The following ADGRB3 variants were observed in gnomAD, a reference collection of about 807,000 sequenced individuals.
ADGRB3 encodes brain-specific angiogenesis inhibitor 3.
ADGRB3 carries 37 observed loss-of-function variants against 193.4 expected under a neutral mutation model. That is an observed-to-expected ratio of 0.19 (90% CI 0.15 to 0.25). The LOEUF is 0.25. Ranked by LOEUF, ADGRB3 falls within the 10% of genes least tolerant of loss-of-function variation. The probability of loss-of-function intolerance (pLI) is 1.00; values close to 1 mark genes in which losing one functional copy is unlikely to be tolerated. For synonymous variants in ADGRB3, 690 were observed against 644.2 expected, an observed-to-expected ratio of 1.07 and a Z score of -1.08; for missense variants, 1,637 against 1,852.9, an observed-to-expected ratio of 0.88 and a Z score of 2.14.
rs141761898 is a variant in ADGRB3, at chr6:68,726,617, T to C, written c.757+87185T>C. Among the ~76,000 whole-genome samples, 215 of 151,684 alleles carry C rather than the reference T, an allele frequency of 1.4e-3. 3 individuals are homozygous for C. In the East Asian group the frequency reaches 0.032, roughly 23 times the overall value. On this transcript the variant is annotated intron_variant, in intron 3 of 31. Coordinates refer to ENST00000370598, the MANE Select transcript of ADGRB3 (RefSeq NM_001704.3). ...AAAATCCTTTATTTGGAGGGCTTGG[T>C]TATTTCCCTATATGGAAAATAAAGG...
intron 3 of ADGRB3, among the ~76,000 whole-genome samples, chr6:68,650,455 T>A (rs890886594): frequency 3.9e-5 from 6 of 152,106 alleles, no homozygotes; most frequent in African/African-American, 1.4e-4. Flanking sequence ...TGCACTGCCC[T>A]AGATGTTCAA....
intron 13 of ADGRB3, among the ~76,000 whole-genome samples, chr6:69,039,956 G>A (rs1033830814): frequency 9.9e-5 from 15 of 151,882 alleles, no homozygotes; most frequent in Non-Finnish European, 2.1e-4. Flanking sequence ...CAGCCAGGAT[G>A]GTCTCGATCT....
intron 17 of ADGRB3, chr6:69,232,316 G>T: frequency 1.0e-6 from 1 of 954,016 alleles, no homozygotes; most frequent in Non-Finnish European, 1.4e-6. Context: ...GTTCTGCTGG[G>T]GGTGGAAGGG....
At chr6:68,927,704 C>A (rs981558086) in intron 3 of ADGRB3, among the ~76,000 whole-genome samples, 3 of 151,890 alleles carry the variant, frequency 2.0e-5, no homozygotes, top group Non-Finnish European at 4.4e-5. Context: ...AAGTCTAGAA[C>A]AATGGATGTG....
intron 17 of ADGRB3, among the ~76,000 whole-genome samples, chr6:69,149,930 GT>G: frequency 1.2e-5 from 1 of 86,660 alleles, no homozygotes; most frequent in Non-Finnish European, 2.6e-5. Context: ...CTTTCTGTGT[GT>G]GTGTGTGTGT....
intron 3 of ADGRB3, among the ~76,000 whole-genome samples, chr6:68,910,984 A>C (rs983841623): frequency 3.3e-5 from 5 of 152,090 alleles, no homozygotes; most frequent in African/African-American, 9.7e-5. Context: ...TGAAACTATA[A>C]ATTACCTTGG....
intron 3 of ADGRB3, among the ~76,000 whole-genome samples, chr6:68,881,512 T>A (rs1026603564): frequency 4.6e-5 from 7 of 152,158 alleles, no homozygotes; most frequent in African/African-American, 1.7e-4. Flanking sequence ...CACGGATGAC[T>A]AAGACACATT....
chr6:68,686,989 C>A (rs1048702772), intron 3 of ADGRB3, among the ~76,000 whole-genome samples: 1 of 151,938 alleles, frequency 6.6e-6, no homozygotes, highest in Non-Finnish European at 1.5e-5. Flanking sequence ...TTTTGAAAAA[C>A]GTGCATTCAG....
intron 3 of ADGRB3, among the ~76,000 whole-genome samples, chr6:68,833,032 A>AGAT (rs1161982070): frequency 3.3e-5 from 5 of 152,108 alleles, no homozygotes; most frequent in African/African-American, 1.2e-4. Context: ...CAGCCCATTT[A>AGAT]AGACAAGGTT....
intron 20 of ADGRB3, among the ~76,000 whole-genome samples, chr6:69,318,873 A>ATATG (rs1768376491): frequency 6.7e-6 from 1 of 149,986 alleles, no homozygotes; most frequent in African/African-American, 2.4e-5. Context: ...ATATATATAT[A>ATATG]TATGTATGTA....
intron 12 of ADGRB3, among the ~76,000 whole-genome samples, chr6:69,016,416 C>A (rs1770093853): frequency 6.6e-6 from 1 of 151,930 alleles, no homozygotes. Context: ...CAAACAGTGT[C>A]CTCAAGGTAA....
chr6:68,883,157 T>C, intron 3 of ADGRB3, among the ~76,000 whole-genome samples: 1 of 152,144 alleles, frequency 6.6e-6, no homozygotes, highest in East Asian at 1.9e-4. Flanking sequence ...CCTGTCTATC[T>C]CAAGGTTTGT....
intron 23 of ADGRB3, chr6:69,331,997 T>C: frequency 1.0e-6 from 1 of 985,368 alleles, no homozygotes; most frequent in Non-Finnish European, 1.2e-6. Flanking sequence ...CTGGACACAT[T>C]TTAGCTTTAT....
chr6:68,872,332 A>G (rs1291416331), intron 3 of ADGRB3, among the ~76,000 whole-genome samples: 2 of 152,158 alleles, frequency 1.3e-5, no homozygotes, highest in African/African-American at 4.8e-5. Context: ...TACATAATGC[A>G]ATAGCTAAGT....
intron 3 of ADGRB3, among the ~76,000 whole-genome samples, chr6:68,844,462 A>G (rs1768234078): frequency 6.6e-6 from 1 of 152,216 alleles, no homozygotes; most frequent in Admixed American, 6.5e-5. Flanking sequence ...CACACAAGTT[A>G]AATGGCTTTT....
intron 3 of ADGRB3, among the ~76,000 whole-genome samples, chr6:68,702,727 A>G (rs1311310524): frequency 6.6e-6 from 1 of 152,186 alleles, no homozygotes; most frequent in Non-Finnish European, 1.5e-5. Flanking sequence ...GAAAAATGAG[A>G]GACTCTACAG....
chr6:69,027,643 ATAT>A (rs1317425038), intron 13 of ADGRB3, among the ~76,000 whole-genome samples: 1 of 152,164 alleles, frequency 6.6e-6, no homozygotes, highest in African/African-American at 2.4e-5. Flanking sequence ...TGAGGTGGAG[ATAT>A]TATAATAGAC....
intron 16 of ADGRB3, among the ~76,000 whole-genome samples, chr6:69,063,933 C>CATATTTTT (rs1771824210): frequency 6.6e-6 from 1 of 151,562 alleles, no homozygotes; most frequent in East Asian, 1.9e-4. Context: ...TTTACTTGTA[C>CATATTTTT]ATATTTTTAT....
intron 15 of ADGRB3, among the ~76,000 whole-genome samples, chr6:69,049,749 A>C (rs1208751672): frequency 3.9e-5 from 6 of 152,154 alleles, no homozygotes; most frequent in Admixed American, 3.3e-4. Flanking sequence ...TGACTGGGAA[A>C]ACATGGTATT....
Sources: allele counts gnomAD v4.1 joint callset (sites outside exome capture counted in the v4.1 genomes callset), GRCh38; gene constraint gnomAD v4.1.1; transcripts MANE v1.5; gene names NCBI Gene and HGNC (gene_info 2026-07-23, HGNC 2026-07-21).